Variants in LHFPL3 observed in about 807,000 individuals in gnomAD.
The protein encoded by LHFPL3 is LHFPL tetraspan subfamily member 3.
Under a neutral mutation model 19.3 loss-of-function variants are expected in LHFPL3, and 5 were observed. The observed-to-expected ratio is 0.26, with a 90% CI of 0.14 to 0.54. The LOEUF (loss-of-function observed/expected upper bound fraction) is 0.54, where lower values mean the gene tolerates loss of function less well. Among genes scored for constraint, LHFPL3 ranks in the 20% least tolerant of loss-of-function variants. LHFPL3 has a pLI of 0.94. For synonymous variants in LHFPL3, 133 were observed against 126.2 expected, an observed-to-expected ratio of 1.05 and a Z score of -0.36; for missense variants, 249 against 307.4, an observed-to-expected ratio of 0.81 and a Z score of 1.42.
At chr7:104,503,833 G>T (rs1363146267) in intron 1 of LHFPL3, among the ~76,000 whole-genome samples, 1 of 152,228 alleles carries the variant, frequency 6.6e-6, no homozygotes, top group Non-Finnish European at 1.5e-5. Context: ...CCCTCCCAAA[G>T]TGTTGGGATT....
intron 1 of LHFPL3, among the ~76,000 whole-genome samples, chr7:104,340,601 C>T (rs1431524854): frequency 6.6e-6 from 1 of 152,140 alleles, no homozygotes; most frequent in African/African-American, 2.4e-5. Context: ...TTACAATGTA[C>T]TACCTAATGA....
At chr7:104,422,991 C>T (rs536742274) in intron 1 of LHFPL3, among the ~76,000 whole-genome samples, 6 of 152,220 alleles carry the variant, frequency 3.9e-5, no homozygotes, top group Admixed American at 2.0e-4. Flanking sequence ...TACAATGTTC[C>T]GGGTACTGGG....
chr7:104,566,052 A>G (rs952477519), intron 1 of LHFPL3, among the ~76,000 whole-genome samples: 11 of 151,972 alleles, frequency 7.2e-5, no homozygotes, highest in Middle Eastern at 3.4e-3. Flanking sequence ...GTGACTCGGA[A>G]CTCACCTTCT....
intron 2 of LHFPL3, among the ~76,000 whole-genome samples, chr7:104,804,310 G>A (rs1790311659): frequency 6.6e-6 from 1 of 152,194 alleles, no homozygotes. Context: ...GGTGGAGGGG[G>A]CTATTCGTCA....
At chr7:104,670,935 G>A (rs546839342) in intron 1 of LHFPL3, among the ~76,000 whole-genome samples, 1 of 151,780 alleles carries the variant, frequency 6.6e-6, no homozygotes, top group African/African-American at 2.4e-5. Context: ...CAAGGTCCTG[G>A]TTTCTCTTGC....
intron 1 of LHFPL3, among the ~76,000 whole-genome samples, chr7:104,388,006 A>G (rs1180676147): frequency 1.3e-5 from 2 of 151,998 alleles, no homozygotes; most frequent in East Asian, 1.9e-4. Context: ...TATGTACTCA[A>G]TGTTTAGCTC....
At chr7:104,350,696 C>T (rs190745685) in intron 1 of LHFPL3, among the ~76,000 whole-genome samples, 88 of 152,250 alleles carry the variant, frequency 5.8e-4, no homozygotes, top group Non-Finnish European at 6.9e-4. Context: ...TATAATCTAT[C>T]AGGTGATCAT....
chr7:104,573,938 G>A (rs569489820), intron 1 of LHFPL3, among the ~76,000 whole-genome samples: 12 of 152,246 alleles, frequency 7.9e-5, no homozygotes, highest in African/African-American at 2.2e-4. Flanking sequence ...GATGACATTC[G>A]TACACAAAAG....
intron 2 of LHFPL3, among the ~76,000 whole-genome samples, chr7:104,777,060 T>G (rs1794647302): frequency 1.3e-5 from 2 of 152,168 alleles, no homozygotes; most frequent in Admixed American, 1.3e-4. Flanking sequence ...TCATGACCTC[T>G]GGGAGCCTCA....
intron 2 of LHFPL3, chr7:104,803,025 C>A (rs1200790140): frequency 1.3e-5 from 2 of 152,284 alleles, no homozygotes; most frequent in Non-Finnish European, 2.9e-5. Flanking sequence ...CTAATCTACT[C>A]CTGCTCTAAC....
chr7:104,495,139 G>A (rs1203700921), intron 1 of LHFPL3, among the ~76,000 whole-genome samples: 1 of 152,108 alleles, frequency 6.6e-6, no homozygotes, highest in African/African-American at 2.4e-5. Context: ...CTTCCTCAGA[G>A]AAGGTTCAAC....
At chr7:104,365,054 C>T (rs912188736) in intron 1 of LHFPL3, among the ~76,000 whole-genome samples, 8 of 152,148 alleles carry the variant, frequency 5.3e-5, no homozygotes, top group African/African-American at 1.7e-4. Context: ...AATCCCAGCA[C>T]TTTGGGAGGC....
intron 1 of LHFPL3, among the ~76,000 whole-genome samples, 184 bp from the exon 2 acceptor site, chr7:104,736,491 G>T (rs1448670919): frequency 6.8e-6 from 1 of 146,994 alleles, no homozygotes; most frequent in South Asian, 2.1e-4. Context: ...ACACACACAC[G>T]TGCACGTTTG....
intron 1 of LHFPL3, among the ~76,000 whole-genome samples, chr7:104,476,852 C>T (rs1793030359): frequency 1.3e-5 from 2 of 152,240 alleles, no homozygotes; most frequent in Middle Eastern, 6.8e-3. Flanking sequence ...AAGTTAGAAA[C>T]AAGCATACTC....
At chr7:104,606,328 G>A (rs1179673660) in intron 1 of LHFPL3, among the ~76,000 whole-genome samples, 1 of 152,198 alleles carries the variant, frequency 6.6e-6, no homozygotes, top group East Asian at 1.9e-4. Flanking sequence ...ATATCAGAAA[G>A]CACTATTGCT....
rs867399144 is a variant in LHFPL3, at chr7:104,508,542, C to T, written c.445+179318C>T. 4.6e-3 allele frequency among the ~76,000 whole-genome samples: 694 copies of T among 150,694 alleles called. 4 individuals carry two copies. Among genetic ancestry groups the T allele is most frequent in the African/African-American group, 0.016 (644 of 40,946 alleles). On this transcript the variant is annotated intron_variant, in intron 1 of 2. Coordinates refer to ENST00000424859, the MANE Select transcript of LHFPL3 (RefSeq NM_199000.3). ...AGTTAGTGGGTGCAGCACACCAGCA[C>T]GGCACATGTATACATATGTAACTAA...
intron 1 of LHFPL3, among the ~76,000 whole-genome samples, chr7:104,703,196 C>T (rs1442745042): frequency 6.6e-6 from 1 of 152,142 alleles, no homozygotes; most frequent in African/African-American, 2.4e-5. Flanking sequence ...GGCTTTTTAT[C>T]ACCGAACTGA....
intron 1 of LHFPL3, among the ~76,000 whole-genome samples, chr7:104,707,159 T>A (rs77088479): frequency 0.032 from 4,899 of 152,294 alleles, 265 homozygotes; most frequent in African/African-American, 0.11. Flanking sequence ...TGACAGCAGA[T>A]GGATGGAGAC....
intron 2 of LHFPL3, among the ~76,000 whole-genome samples, chr7:104,872,009 A>AT (rs1345564815): frequency 4.7e-5 from 7 of 150,020 alleles, no homozygotes; most frequent in African/African-American, 4.9e-5. Context: ...CTCTATTAAA[A>AT]TTTTTTTTTC....
Sources: allele counts gnomAD v4.1 joint callset (sites outside exome capture counted in the v4.1 genomes callset), GRCh38; gene constraint gnomAD v4.1.1; transcripts MANE v1.5; gene names NCBI Gene and HGNC (gene_info 2026-07-23, HGNC 2026-07-21).